The following CCDC51 variants were observed in gnomAD, a reference collection of about 807,000 sequenced individuals.
CCDC51 encodes mitochondrial potassium channel.
A neutral mutation model predicts 24.8 loss-of-function variants in CCDC51; 25 were observed. The ratio of observed to expected loss-of-function variants is 1.01; its 90% CI spans 0.73 to 1.41. The LOEUF is 1.41. CCDC51 is among the 40% of genes most tolerant of loss of function. The pLI is 0.00. For missense variants in CCDC51, 466 were observed against 519.1 expected (o/e 0.90, Z 0.99); for synonymous variants, 190 against 204.3 (o/e 0.93, Z 0.60).
At chr3:48,445,359 G>A (rs189341950), upstream of CCDC51, among the ~76,000 whole-genome samples, 15 of 152,248 alleles carry the variant, frequency 9.9e-5, no homozygotes, top group East Asian at 2.7e-3. Flanking sequence ...TAATGTACTA[G>A]ATATTAACGC....
Position 48,432,313 on chromosome 3 carries a change from A to G in CCDC51, c.*95T>C. ...TACTGCTCCTTCAGATTGAGGTTGT[A>G]CATGCCCCCAAAGGCTCGCTTCATT... On this transcript the variant is annotated 3_prime_UTR_variant, in exon 4 of 4. Coordinates refer to ENST00000395694, the MANE Select transcript of CCDC51 (RefSeq NM_001256964.2). 1 of 1,453,362 alleles carries G rather than the reference A, an allele frequency of 6.9e-7. No individual in the cohort carries two copies. Among genetic ancestry groups the G allele is most frequent in the Non-Finnish European group, 9.4e-7 (1 of 1,061,612 alleles). The allele number at this position is 1,453,362 out of a possible 1,614,324, so 90.0% of individuals were successfully genotyped here.
upstream of CCDC51, chr3:48,440,293 C>G (rs376665779): frequency 6.2e-7 from 1 of 1,604,280 alleles, no homozygotes; most frequent in Admixed American, 1.7e-5. Context: ...CGGCGGCAGG[C>G]GCCATGTCCG....
At chr3:48,440,127 A>C (rs1053672825), upstream of CCDC51, 2 of 1,102,654 alleles carry the variant, frequency 1.8e-6, no homozygotes, top group South Asian at 1.6e-5. Flanking sequence ...TCTGCCACTC[A>C]GTTGACCTCT....
chr3:48,435,784 CAA>C lies in CCDC51; in HGVS notation c.-8-650_-8-649del. ...AGATAATTCCAGGGGCAAAAAAAAA[CAA>C]AACAAAACTGTTTTTGCCACAGAGG... On this transcript the variant is annotated intron_variant, in intron 1 of 3. Transcript: ENST00000395694. This position sits in a 1 kb window ranked among gnomAD's most constrained non-coding sequence, Gnocchi z 4.2. Among the ~76,000 whole-genome samples, 1 of 151,900 alleles carries C rather than the reference CAA, an allele frequency of 6.6e-6. No homozygotes were observed. The highest frequency in any genetic ancestry group is 2.4e-5 in the African/African-American group (1 of 41,408).
intron 1 of CCDC51, among the ~76,000 whole-genome samples, 158 bp downstream of exon 1, chr3:48,439,830 T>C (rs1451160218): frequency 2.6e-5 from 4 of 152,164 alleles, no homozygotes; most frequent in African/African-American, 9.7e-5. Context: ...TAAAACTCCT[T>C]ACAGGGTTTT....
In CCDC51 at chr3:48,433,084, C is replaced by T. The variant is rs369374112; in HGVS notation, c.560G>A (p.Arg187Gln). The change falls in exon 4 of 4, where the codon CGG becomes CAG. Residue 187 changes from arginine to glutamine, a missense_variant. By Grantham distance (43) the Arg-to-Gln change is conservative (BLOSUM62 1). Transcript: ENST00000395694. The surrounding 1 kb of genome is among the most constrained non-coding windows in gnomAD (Gnocchi z 4.4). ...TGTGCGCTCCTTCTCATGACTTTCC[C>T]GCACAGCTGCAGAGAAGAGGGAGAA... Reference protein sequence around the residue: ...EKFSLFSAAVRESHEKERTRA... With the variant: ...EKFSLFSAAVQESHEKERTRA... 10 of 1,614,008 alleles carry T rather than the reference C, an allele frequency of 6.2e-6. No individual in the cohort carries two copies. The highest frequency in any genetic ancestry group is 5.3e-5 in the African/African-American group (4 of 74,932).
chr3:48,432,674 G>A lies in CCDC51; in HGVS notation c.970C>T (p.Leu324Phe), dbSNP rs754101156. ...CTACAAGTCTTTTCTAGGCCATCAA[G>A]CTGCTCTCGTAAGCCTTCTAGACAT... ...HSCLEGLREQ[L>F]DGLEKTCSQM... Residue 324 changes from leucine (L) to phenylalanine (F), a missense_variant, in exon 4 of 4, where the codon CTT (leucine) becomes TTT (phenylalanine). Physicochemically the swap from Leu to Phe is conservative, Grantham distance 22. Transcript: ENST00000395694. 6.2e-7 allele frequency: 1 copy of A among 1,614,268 alleles called. No homozygotes were observed. The highest frequency in any genetic ancestry group is 8.5e-7 in the Non-Finnish European group (1 of 1,180,048).
intron 1 of CCDC51, chr3:48,438,021 TTC>T (rs1476072273): frequency 6.6e-6 from 1 of 152,168 alleles, no homozygotes; most frequent in South Asian, 2.1e-4. Flanking sequence ...TCTGTTCCTC[TTC>T]TCTGATTCCG....
intron 1 of CCDC51, among the ~76,000 whole-genome samples, chr3:48,436,710 C>A (rs1239562847): frequency 1.3e-5 from 2 of 152,244 alleles, no homozygotes; most frequent in African/African-American, 4.8e-5. Flanking sequence ...AACACCCTCT[C>A]TTCCCAACAT....
At chr3:48,436,085 T>C (rs2107136844) in intron 1 of CCDC51, among the ~76,000 whole-genome samples, 1 of 152,084 alleles carries the variant, frequency 6.6e-6, no homozygotes, top group South Asian at 2.1e-4. Context: ...CCCAAAGAGG[T>C]GGCCAGGTGA....
rs533277316 is a variant in CCDC51, at chr3:48,433,241, C to G, written c.478-75G>C. On this transcript the variant is annotated intron_variant, in intron 3 of 3. Transcript: ENST00000395694. The surrounding 1 kb of genome is among the most constrained non-coding windows in gnomAD (Gnocchi z 4.4). ...TGCAGCTATAGCCACCAGCAGATGG[C>G]TCACTACCTTGTGCCTGGCAGAGTA... The G allele has an allele frequency of 7.1e-7, 1 of 1,407,914 alleles. No homozygotes were observed. The highest frequency in any genetic ancestry group is 2.3e-5 in the East Asian group (1 of 43,502). 87.2% of individuals were successfully genotyped at this position (1,407,914 alleles called of 1,614,324 possible). A position where few individuals can be genotyped will look rare whatever the true frequency, so the allele number is the denominator to read the frequency against.
chr3:48,440,848 A>G (rs1408103416), upstream of CCDC51: 5 of 595,150 alleles, frequency 8.4e-6, no homozygotes, highest in Admixed American at 3.1e-5. Context: ...CTGGGCTTCC[A>G]TTCCTTAGGA....
At position 48,433,264 on chromosome 3, in the gene CCDC51, G is replaced by T; in HGVS notation, c.478-98C>A. On this transcript the variant is annotated intron_variant, in intron 3 of 3. Coordinates refer to ENST00000395694, the MANE Select transcript of CCDC51 (RefSeq NM_001256964.2). The surrounding 1 kb of genome is among the most constrained non-coding windows in gnomAD (Gnocchi z 4.4). The stretch of plus-strand genomic sequence containing the variant: ...GGCTCACTACCTTGTGCCTGGCAGA[G>T]TACATGTTCCATAGACCCATGCTGA... The T allele has an allele frequency of 8.4e-7, 1 of 1,194,644 alleles. No homozygotes were observed. Among genetic ancestry groups the T allele is most frequent in the South Asian group, 1.4e-5 (1 of 70,716 alleles). The allele number at this position is 1,194,644 out of a possible 1,614,324, so 74.0% of individuals were successfully genotyped here. A position where few individuals can be genotyped will look rare whatever the true frequency, so the allele number is the denominator to read the frequency against.
Position 48,432,731 on chromosome 3 carries a change from C to G in CCDC51, c.913G>C (p.Glu305Gln), listed in dbSNP as rs1468935059. ...DVDVLSAALK[E>Q]QLSHSRQVHS... ...ACTTGCCTGGAATGACTAAGCTGCT[C>G]TTTCAAGGCAGCTGAAAGGACATCT... The change falls in exon 4 of 4, where the codon GAG becomes CAG. Residue 305 changes from glutamate (E) to glutamine (Q), a missense_variant. By Grantham distance (29) the Glu-to-Gln change is conservative. Transcript: ENST00000395694. The G allele has an allele frequency of 2.5e-6, 4 of 1,614,192 alleles. No individual in the cohort carries two copies. The highest frequency in any genetic ancestry group is 3.3e-5 in the Admixed American group (2 of 60,030).
upstream of CCDC51, among the ~76,000 whole-genome samples, chr3:48,441,346 T>G (rs1364902611): frequency 2.1e-5 from 3 of 145,730 alleles, no homozygotes; most frequent in East Asian, 3.9e-4. Flanking sequence ...ACCTGGCCAG[T>G]TTTTTTTTGT....
upstream of CCDC51, among the ~76,000 whole-genome samples, chr3:48,443,490 T>G (rs1192958894): frequency 6.7e-6 from 1 of 149,880 alleles, no homozygotes; most frequent in African/African-American, 2.5e-5. Context: ...GCTGAGATCG[T>G]GCCACTGCAC....
chr3:48,432,173 T>C lies in CCDC51; in HGVS notation c.*235A>G, dbSNP rs2039186253. On this transcript the variant is annotated 3_prime_UTR_variant, in exon 4 of 4. Coordinates refer to ENST00000395694, the MANE Select transcript of CCDC51 (RefSeq NM_001256964.2). ...TAATGAAAAAAACTCAGTCTGATTG[T>C]TTTAAATAATAAAACTCAGGATATT... 1 of 543,922 alleles carries C rather than the reference T, an allele frequency of 1.8e-6. No homozygotes were observed. The highest frequency in any genetic ancestry group is 1.9e-5 in the African/African-American group (1 of 53,106). 33.7% of individuals were successfully genotyped at this position (543,922 alleles called of 1,614,324 possible). A position where few individuals can be genotyped will look rare whatever the true frequency, so the allele number is the denominator to read the frequency against.
upstream of CCDC51, chr3:48,440,878 C>T (rs2039544973): frequency 5.2e-6 from 3 of 575,012 alleles, no homozygotes; most frequent in South Asian, 6.4e-5. Flanking sequence ...GAAACGGAAA[C>T]AGTGAAATGT....
chr3:48,434,119 A>G, intron 2 of CCDC51: 2 of 737,216 alleles, frequency 2.7e-6, no homozygotes, highest in South Asian at 2.4e-5. Context: ...AAAAACTTGA[A>G]AACAGCTAAC....
Sources: gnomAD v4.1 joint callset for allele counts (sites outside exome capture counted in the v4.1 genomes callset) on GRCh38, gnomAD v4.1.1 for gene constraint, Gnocchi (gnomAD v3.1) non-coding constraint, MANE v1.5 for transcripts, NCBI Gene and HGNC (gene_info 2026-07-23, HGNC 2026-07-21) for gene names.